The following ERAP1 variants were observed in gnomAD, a reference collection of about 807,000 sequenced individuals.
ERAP1 encodes endoplasmic reticulum aminopeptidase 1.
In ERAP1, 86 loss-of-function variants were observed where a neutral mutation model predicts 103.7. That is an observed-to-expected ratio of 0.83 (90% CI 0.70 to 0.99). The LOEUF is 0.99. Among genes scored for constraint, ERAP1 ranks in the 50% least tolerant of loss-of-function variants. The probability of loss-of-function intolerance (pLI) is 0.00; values close to 1 mark genes in which losing one functional copy is unlikely to be tolerated. For missense variants in ERAP1, 1,009 were observed against 1,128.4 expected, an observed-to-expected ratio of 0.89 and a Z score of 1.52; for synonymous variants, 398 against 402.4, an observed-to-expected ratio of 0.99 and a Z score of 0.13.
At chr5:96,869,316 C>T in the ERAP1 span, among the ~76,000 whole-genome samples, 1 of 151,988 alleles carries the variant, frequency 6.6e-6, no homozygotes, top group African/African-American at 2.4e-5. Flanking sequence ...AAAGTATGTA[C>T]CCATCACCCT....
Position 96,775,476 on chromosome 5 carries a change from C to T in ERAP1, c.*920G>A, listed in dbSNP as rs1395577935. 4.1e-6 allele frequency: 4 copies of T among 985,440 alleles called. No individual in the cohort carries two copies. The highest frequency in any genetic ancestry group is 1.7e-5 in the African/African-American group (1 of 57,218). 61.0% of individuals were successfully genotyped at this position (985,440 alleles called of 1,614,324 possible). A position where few individuals can be genotyped will look rare whatever the true frequency, so the allele number is the denominator to read the frequency against. On this transcript the variant is annotated 3_prime_UTR_variant, in exon 19 of 19. Transcript: ENST00000443439. ...CCTAAGAAAAGGGTTTTCCTACAGA[C>T]TTGAATGCACTCTGCTTTTTCAGAA...
chr5:96,855,260 C>A, the ERAP1 span, among the ~76,000 whole-genome samples: 2 of 152,024 alleles, frequency 1.3e-5, no homozygotes, highest in Non-Finnish European at 2.9e-5. Flanking sequence ...ATAATGACAA[C>A]AAATGTAACC....
rs139815574 is a variant in ERAP1, at chr5:96,792,108, T to A, written c.1273A>T (p.Asn425Tyr). 1.9e-6 allele frequency: 3 copies of A among 1,613,992 alleles called. No individual in the cohort carries two copies. The African/African-American group carries it at 4.0e-5, about 22-fold the overall frequency. The change falls in exon 8 of 19, where the codon AAT (asparagine) becomes TAT (tyrosine). Residue 425 changes from asparagine to tyrosine, a missense_variant. By Grantham distance (143) the Asn-to-Tyr change is moderately radical. Transcript: ENST00000443439. The stretch of plus-strand genomic sequence containing the variant: ...AACATCTCCCGGATCTGAGCAGGAT[T>A]TTCCACAGGTGTAGACACAGGGTGT... ...SSHPVSTPVE[N>Y]PAQIREMFDD... is the part of the protein sequence containing the mutation.
At chr5:96,850,334 A>G in the ERAP1 span, among the ~76,000 whole-genome samples, 1 of 152,190 alleles carries the variant, frequency 6.6e-6, no homozygotes, top group Non-Finnish European at 1.5e-5. Context: ...TTTGCAAATT[A>G]TACATCAGAT....
chr5:96,805,626 A>G (rs562796263), intron 1 of ERAP1: 1 of 152,386 alleles, frequency 6.6e-6, no homozygotes, highest in South Asian at 2.1e-4. Flanking sequence ...AAATCTCATA[A>G]TCCCAGTTCA....
the ERAP1 span, among the ~76,000 whole-genome samples, chr5:96,862,707 C>T: frequency 6.6e-6 from 1 of 152,192 alleles, no homozygotes; most frequent in African/African-American, 2.4e-5. Flanking sequence ...TTGATGGCAA[C>T]AGGGTAACCT....
the ERAP1 span, among the ~76,000 whole-genome samples, chr5:96,861,133 A>G: frequency 2.0e-5 from 3 of 152,160 alleles, no homozygotes; most frequent in Admixed American, 2.0e-4. Context: ...AAATATTTTC[A>G]TCAATTCCCA....
chr5:96,902,559 A>T, the ERAP1 span: 1 of 488,196 alleles, frequency 2.0e-6, no homozygotes, highest in Non-Finnish European at 3.7e-6. Flanking sequence ...TTGCGCTTTT[A>T]TCATTTAGAG....
rs758241492 is a variant in ERAP1, at chr5:96,788,631, G to A, written c.1579C>T (p.Gln527Ter). The change falls in exon 11 of 19, where the codon CAG (glutamine) becomes TAG (stop). Residue 527 changes from glutamine to a stop codon, truncating the protein, a stop_gained. Coordinates refer to ENST00000443439, the MANE Select transcript of ERAP1 (RefSeq NM_001040458.3). LOFTEE classifies it high-confidence loss of function. ...VKTMMNTWTL[Q>*]KGFPLITITV... Reference sequence around the variant, plus strand: ...ATGGTTATTAGGGGAAAACCCTTCTGCAGTGTCCAAGTGTTCATCATGGTT... The same window carrying A: ...ATGGTTATTAGGGGAAAACCCTTCTACAGTGTCCAAGTGTTCATCATGGTT... 2 of 1,614,062 alleles carry A rather than the reference G, an allele frequency of 1.2e-6. No homozygotes were observed. The highest frequency in any genetic ancestry group is 2.7e-5 in the African/African-American group (2 of 74,914).
the ERAP1 span, chr5:96,934,975 G>A: frequency 3.9e-5 from 6 of 152,432 alleles, no homozygotes. Context: ...GCCTCCTCGG[G>A]GCTTATGGGG....
intron 19 of ERAP1, chr5:96,768,578 A>G: frequency 2.9e-6 from 1 of 339,208 alleles, no homozygotes. Flanking sequence ...GTTATTTCTT[A>G]ACTGCTACTT....
Position 96,777,041 on chromosome 5 carries a change from G to T in ERAP1, c.2671-490C>A, listed in dbSNP as rs186541105. ...ATGGGATTCTTAGCAAGTTATGGCG[G>T]TAAGACCCAAACCTTGCCATTTTTT... On this transcript the variant is annotated intron_variant, in intron 18 of 18. Transcript: ENST00000443439. 1.3e-3 allele frequency: 200 copies of T among 154,984 alleles called. 1 individual carries two copies. Among genetic ancestry groups the T allele is most frequent in the Non-Finnish European group, 5.3e-4 (37 of 69,728 alleles). 9.6% of individuals were successfully genotyped at this position (154,984 alleles called of 1,614,324 possible). A position where few individuals can be genotyped will look rare whatever the true frequency, so the allele number is the denominator to read the frequency against.
At chr5:96,827,537 T>C in the ERAP1 span, among the ~76,000 whole-genome samples, 1 of 152,110 alleles carries the variant, frequency 6.6e-6, no homozygotes, top group African/African-American at 2.4e-5. Context: ...TGGCAGCATG[T>C]GCCTGTAGTC....
Position 96,774,874 on chromosome 5 carries a change from T to C in ERAP1, c.*1522A>G, listed in dbSNP as rs1226215465. On this transcript the variant is annotated 3_prime_UTR_variant, in exon 19 of 19. Transcript: ENST00000443439. The stretch of plus-strand genomic sequence containing the variant: ...GCAGATTTATGTCCAGAAGTCACTC[T>C]ATTTTGTCGTGTATTAGGGGAACAC... The C allele has an allele frequency of 3.0e-6, 3 of 985,436 alleles. No homozygotes were observed. Among genetic ancestry groups the C allele is most frequent in the Non-Finnish European group, 3.6e-6 (3 of 829,834 alleles). The allele number at this position is 985,436 out of a possible 1,614,324, so 61.0% of individuals were successfully genotyped here.
At chr5:96,912,875 C>G in the ERAP1 span, 1 of 1,235,368 alleles carries the variant, frequency 8.1e-7, no homozygotes, top group Non-Finnish European at 1.1e-6. Flanking sequence ...CTTCAGCCAC[C>G]AGTTTTAAAG....
chr5:96,809,378 T>C (rs1431827675), upstream of ERAP1, among the ~76,000 whole-genome samples: 2 of 152,172 alleles, frequency 1.3e-5, no homozygotes, highest in Non-Finnish European at 2.9e-5. Flanking sequence ...ATTTGGTGAG[T>C]GGACCATGGT....
At chr5:96,841,307 T>C in the ERAP1 span, among the ~76,000 whole-genome samples, 8 of 152,208 alleles carry the variant, frequency 5.3e-5, no homozygotes, top group Non-Finnish European at 1.0e-4. Context: ...TATAACCCTG[T>C]CCTGCTGGCC....
rs1292886907 is a variant in ERAP1, at chr5:96,775,567, A to AAAAG, written c.*825_*828dup. ...AGAATTATCTGAGGAGGGTTCTATA[A>AAAAG]AAAGATTTTTTGCAAAAGTGCGAGC... On this transcript the variant is annotated 3_prime_UTR_variant, in exon 19 of 19. Coordinates refer to ENST00000443439, the MANE Select transcript of ERAP1 (RefSeq NM_001040458.3). 1.0e-5 allele frequency: 10 copies of AAAAG among 959,568 alleles called. No homozygotes were observed. The highest frequency in any genetic ancestry group is 1.1e-3 in the Middle Eastern group (2 of 1,874). 59.4% of individuals were successfully genotyped at this position (959,568 alleles called of 1,614,324 possible). A position where few individuals can be genotyped will look rare whatever the true frequency, so the allele number is the denominator to read the frequency against.
the ERAP1 span, among the ~76,000 whole-genome samples, chr5:96,869,388 A>G: frequency 6.6e-6 from 1 of 152,140 alleles, no homozygotes; most frequent in African/African-American, 2.4e-5. Flanking sequence ...AACAGAGGAC[A>G]CTCATGAAAA....
Sources: allele counts gnomAD v4.1 joint callset (sites outside exome capture counted in the v4.1 genomes callset), GRCh38; gene constraint gnomAD v4.1.1; transcripts MANE v1.5; gene names NCBI Gene and HGNC (gene_info 2026-07-23, HGNC 2026-07-21).